CDAN1: variants seen among roughly 807,000 people sequenced by gnomAD.
CDAN1 encodes the protein codanin-1.
Under a neutral mutation model 139.8 loss-of-function variants are expected in CDAN1, and 107 were observed. The ratio of observed to expected loss-of-function variants is 0.77; its 90% CI spans 0.65 to 0.90. The LOEUF (loss-of-function observed/expected upper bound fraction) is 0.90, where lower values mean the gene tolerates loss of function less well. CDAN1 is among the 40% of genes least tolerant of loss of function. The probability of loss-of-function intolerance (pLI) is 0.00; values close to 1 mark genes in which losing one functional copy is unlikely to be tolerated. For missense variants in CDAN1, 1,667 were observed against 1,575.7 expected, an observed-to-expected ratio of 1.06 and a Z score of -0.98; for synonymous variants, 776 against 660.6, an observed-to-expected ratio of 1.17 and a Z score of -2.68.
chr15:42,724,375 C>T lies in CDAN1; in HGVS notation c.*116G>A. 2.9e-6 allele frequency: 4 copies of T among 1,385,182 alleles called. No individual in the cohort carries two copies. The South Asian group carries it at 3.7e-5, about 13-fold the overall frequency. 85.8% of individuals were successfully genotyped at this position (1,385,182 alleles called of 1,614,324 possible). ...GACACCCTTAGAGCAGGAAGTCTGA[C>T]TGTAGACCCAGCTACACCCCAACCA... On this transcript the variant is annotated 3_prime_UTR_variant, in exon 28 of 28. Transcript: ENST00000356231.
intron 13 of CDAN1, 61 bp downstream of exon 13, chr15:42,730,864 A>AGCTTCAGTGCCTGGCCGGTCCTCCCT: frequency 6.2e-7 from 1 of 1,613,760 alleles, no homozygotes; most frequent in Non-Finnish European, 8.5e-7. Context: ...GAAACCAGTC[A>AGCTTCAGTGCCTGGCCGGTCCTCCCT]GCTTCAGTGC....
intron 19 of CDAN1, 90 bp from the exon 20 acceptor site, chr15:42,728,900 C>T (rs2061569136): frequency 6.3e-7 from 1 of 1,598,598 alleles, no homozygotes; most frequent in Non-Finnish European, 8.6e-7. Flanking sequence ...AAATTTGCTT[C>T]AAAATGTGTC....
At chr15:42,732,582 A>G (rs2061628201) in intron 9 of CDAN1, among the ~76,000 whole-genome samples, 174 bp from the exon 10 acceptor site, 1 of 152,180 alleles carries the variant, frequency 6.6e-6, no homozygotes, top group Non-Finnish European at 1.5e-5. Context: ...CTCAGCACCA[A>G]GGTCCTCCGA....
chr15:42,726,463 T>C (rs2061531326), intron 23 of CDAN1, 46 bp from the exon 24 acceptor site: 1 of 1,455,274 alleles, frequency 6.9e-7, no homozygotes, highest in African/African-American at 1.4e-5. Context: ...GGGGCCAGGA[T>C]GCCACAGAGA....
Position 42,725,234 on chromosome 15 carries a change from G to A in CDAN1, c.3468C>T (p.Phe1156=). 6.2e-7 allele frequency: 1 copy of A among 1,614,180 alleles called. No individual in the cohort carries two copies. ...TRPREWDLLL[F]LLRELVEKGL... Reference sequence around the variant, plus strand: ...CCTTCTCCACCAGCTCCCGTAGCAAGAATAGCAGCAAGTCCCACTGCAAAA... The same window carrying A: ...CCTTCTCCACCAGCTCCCGTAGCAAAAATAGCAGCAAGTCCCACTGCAAAA... The change falls in exon 27 of 28, where the codon TTC becomes TTT. Residue 1156 remains phenylalanine, a synonymous_variant. Transcript: ENST00000356231.
rs1297616760 is a variant in CDAN1 at position 42,725,546 on chromosome 15, C to T, written c.3393G>A (p.Leu1131=). The change falls in exon 26 of 28, where the codon CTG becomes CTA. Residue 1131 remains leucine, a synonymous_variant. Transcript: ENST00000356231. ...CATTTCTTGGGCTCAGCAGCAGCTG[C>T]AGCGGAACCGGCCCCTGAAAGTCTT... ...WKEDFQGPVP[L]QLLLSPRNVG... The T allele has an allele frequency of 1.9e-6, 3 of 1,614,092 alleles. No individual in the cohort carries two copies. The highest frequency in any genetic ancestry group is 1.1e-5 in the South Asian group (1 of 91,086).
intron 6 of CDAN1, among the ~76,000 whole-genome samples, 158 bp from the exon 7 acceptor site, chr15:42,734,504 G>C (rs2061660411): frequency 6.6e-6 from 1 of 152,260 alleles, no homozygotes; most frequent in South Asian, 2.1e-4. Flanking sequence ...GATAATGAAA[G>C]TCAAGGGGAG....
At position 42,731,201 on chromosome 15, in the gene CDAN1, G is replaced by A. The variant is rs781606687; in HGVS notation, c.1860+10C>T. 9.9e-6 allele frequency: 16 copies of A among 1,614,028 alleles called. No homozygotes were observed. The African/African-American group carries it at 1.6e-4, about 16-fold the overall frequency. ...CAGACCCCATTATTTCCCTTGTTCT[G>A]TTTTCGGACCTGCCAGTCTACGTCT... On this transcript the variant is annotated intron_variant, in intron 12 of 27. Coordinates refer to ENST00000356231, the MANE Select transcript of CDAN1 (RefSeq NM_138477.4).
At chr15:42,736,947 G>A (rs1259912644) in intron 1 of CDAN1, 66 bp downstream of exon 1, 2 of 1,498,616 alleles carry the variant, frequency 1.3e-6, no homozygotes, top group Non-Finnish European at 9.0e-7. Context: ...GAAGGGGACT[G>A]GAGGGCTGGA....
chr15:42,728,550 G>T, intron 20 of CDAN1, 102 bp downstream of exon 20: 1 of 1,484,050 alleles, frequency 6.7e-7, no homozygotes, highest in Non-Finnish European at 9.4e-7. Context: ...GAAAAAAGGA[G>T]GCATGAAGAG....
intron 6 of CDAN1, 43 bp from the exon 7 acceptor site, chr15:42,734,389 C>A (rs2061658680): frequency 6.2e-7 from 1 of 1,612,952 alleles, no homozygotes; most frequent in Non-Finnish European, 8.5e-7. Context: ...AGAACACAGA[C>A]TGCAAGTAGG....
In CDAN1 at chr15:42,728,776, C is replaced by T; in HGVS notation, c.2680G>A (p.Glu894Lys). ...TLVADLVRQA[E>K]SLLQEQLVTQ... is the part of the protein sequence containing the mutation. The stretch of plus-strand genomic sequence containing the variant: ...ACCAGCTGCTCTTGGAGAAGTGACT[C>T]TGCCTGGCGCACCAGATCTGCCACC... The change falls in exon 20 of 28, where the codon GAG becomes AAG. Residue 894 changes from glutamate (E) to lysine (K), a missense_variant. Transcript: ENST00000356231. 3 of 1,614,178 alleles carry T rather than the reference C, an allele frequency of 1.9e-6. No individual in the cohort carries two copies. The highest frequency in any genetic ancestry group is 1.7e-6 in the Non-Finnish European group (2 of 1,180,020).
At chr15:42,736,942 G>A in intron 1 of CDAN1, 71 bp downstream of exon 1, 1 of 1,493,036 alleles carries the variant, frequency 6.7e-7, no homozygotes, top group Non-Finnish European at 9.0e-7. Context: ...TAGAGGAAGG[G>A]GACTGGAGGG....
At chr15:42,724,846 C>A in intron 27 of CDAN1, 1 of 613,658 alleles carries the variant, frequency 1.6e-6, no homozygotes. Flanking sequence ...TTGAGTACTA[C>A]TGAGTGCATC....
In CDAN1 at chr15:42,734,214, T is replaced by C; in HGVS notation, c.1257+12A>G. 1 of 1,614,092 alleles carries C rather than the reference T, an allele frequency of 6.2e-7. No individual in the cohort carries two copies. Among genetic ancestry groups the C allele is most frequent in the South Asian group, 1.1e-5 (1 of 91,068 alleles). On this transcript the variant is annotated intron_variant, in intron 7 of 27. Coordinates refer to ENST00000356231, the MANE Select transcript of CDAN1 (RefSeq NM_138477.4). ...GGTCCAGGCTAGTGGGCAACTAAGC[T>C]GGGGTTACTACCTTGGCAACACTGC...
chr15:42,726,084 A>G lies in CDAN1; in HGVS notation c.3268+13T>C, dbSNP rs2061523141. 1.2e-6 allele frequency: 2 copies of G among 1,613,280 alleles called. No homozygotes were observed. Among genetic ancestry groups the G allele is most frequent in the African/African-American group, 1.3e-5 (1 of 74,866 alleles). On this transcript the variant is annotated intron_variant, in intron 25 of 27. Transcript: ENST00000356231. ...ATCAGGCAAGAGAGGGATTTGATGGAAAGCAACCATACCGAGGAGGGAAGC... is the reference window on the plus strand; with the variant it reads ...ATCAGGCAAGAGAGGGATTTGATGGGAAGCAACCATACCGAGGAGGGAAGC...
chr15:42,729,658 T>TCCCC, intron 16 of CDAN1, 36 bp from the exon 17 acceptor site: 1 of 1,610,764 alleles, frequency 6.2e-7, no homozygotes, highest in Non-Finnish European at 8.5e-7. Flanking sequence ...AGACTGCCCC[T>TCCCC]CCCCCAGCGC....
chr15:42,732,239 C>CAGGCTGTCT (rs1448524002), intron 10 of CDAN1, 94 bp downstream of exon 10: 10 of 1,190,044 alleles, frequency 8.4e-6, no homozygotes, highest in Non-Finnish European at 1.3e-5. Context: ...CAGGACCTGC[C>CAGGCTGTCT]AGGCTGTCTG....
chr15:42,736,256 C>G, intron 2 of CDAN1, 46 bp downstream of exon 2: 1 of 1,610,792 alleles, frequency 6.2e-7, no homozygotes, highest in African/African-American at 1.3e-5. Context: ...ACTGACTCCC[C>G]AGAGCCTTCG....
Sources: gnomAD v4.1 joint callset for allele counts (sites outside exome capture counted in the v4.1 genomes callset) on GRCh38, gnomAD v4.1.1 for gene constraint, MANE v1.5 for transcripts, NCBI Gene and HGNC (gene_info 2026-07-23, HGNC 2026-07-21) for gene names.